STK3: variants seen among roughly 807,000 people sequenced by gnomAD.
STK3 encodes serine/threonine-protein kinase 3.
In STK3, 41 loss-of-function variants were observed where a neutral mutation model predicts 58.0. That is an observed-to-expected ratio of 0.71 (90% CI 0.55 to 0.92). STK3 has a LOEUF of 0.92. Among genes scored for constraint, STK3 ranks in the 40% least tolerant of loss-of-function variants. The pLI, the probability that STK3 is intolerant of heterozygous loss-of-function variation, is 0.00. For missense variants in STK3, 479 were observed against 602.7 expected, an observed-to-expected ratio of 0.79 and a Z score of 2.15; for synonymous variants, 170 against 191.0, an observed-to-expected ratio of 0.89 and a Z score of 0.91.
chr8:98,447,061 C>T (rs755914925), intron 1 of STK3, among the ~76,000 whole-genome samples: 1 of 151,894 alleles, frequency 6.6e-6, no homozygotes, highest in Admixed American at 6.6e-5. Flanking sequence ...CACATAGAGG[C>T]GAACAACACA....
intron 1 of STK3, among the ~76,000 whole-genome samples, chr8:98,926,027 G>A (rs557770501): frequency 6.6e-5 from 10 of 152,278 alleles, no homozygotes; most frequent in African/African-American, 1.9e-4. Context: ...AAGAGGGGCC[G>A]GGGGAGAAGA....
chr8:98,843,698 G>C (rs1836083410), intron 3 of STK3, among the ~76,000 whole-genome samples: 1 of 152,194 alleles, frequency 6.6e-6, no homozygotes, highest in Non-Finnish European at 1.5e-5. Flanking sequence ...ACAACAACTG[G>C]CTTATCTGAA....
chr8:98,671,770 A>G (rs1400186431), intron 6 of STK3, among the ~76,000 whole-genome samples: 17 of 152,102 alleles, frequency 1.1e-4, no homozygotes, highest in Admixed American at 7.9e-4. Context: ...TCTTTTGTAG[A>G]TAACAGTGAT....
chr8:98,847,958 C>T (rs1234228681), intron 3 of STK3, among the ~76,000 whole-genome samples: 1 of 152,116 alleles, frequency 6.6e-6, no homozygotes, highest in Non-Finnish European at 1.5e-5. Flanking sequence ...CAGAAAGGGC[C>T]TCTCCACAGA....
At chr8:98,620,842 T>G (rs1218892509) in intron 6 of STK3, among the ~76,000 whole-genome samples, 1 of 151,986 alleles carries the variant, frequency 6.6e-6, no homozygotes, top group Non-Finnish European at 1.5e-5. Context: ...TATATTTTTG[T>G]TTTTTAAGCA....
intron 6 of STK3, among the ~76,000 whole-genome samples, chr8:98,669,352 A>G (rs955761165): frequency 2.6e-5 from 4 of 152,108 alleles, no homozygotes; most frequent in African/African-American, 9.7e-5. Context: ...TGGATTTTTT[A>G]TTGTTCTAGT....
intron 1 of STK3, among the ~76,000 whole-genome samples, chr8:98,445,512 AT>A (rs756514037): frequency 6.6e-6 from 1 of 151,938 alleles, no homozygotes; most frequent in Non-Finnish European, 1.5e-5. Flanking sequence ...CTTTTTTTGT[AT>A]TTTTTTGTAT....
chr8:98,846,104 C>T (rs190294143), intron 3 of STK3, among the ~76,000 whole-genome samples: 1 of 152,352 alleles, frequency 6.6e-6, no homozygotes, highest in Non-Finnish European at 1.5e-5. Flanking sequence ...CCATAACCCT[C>T]TTCCAAATCT....
At chr8:98,608,275 T>C (rs1816922502) in intron 6 of STK3, among the ~76,000 whole-genome samples, 1 of 152,154 alleles carries the variant, frequency 6.6e-6, no homozygotes. Flanking sequence ...TATTAAGCTA[T>C]CCACTCATTA....
At chr8:98,832,038 G>A (rs1835549005) in intron 3 of STK3, among the ~76,000 whole-genome samples, 1 of 152,034 alleles carries the variant, frequency 6.6e-6, no homozygotes, top group African/African-American at 2.4e-5. Flanking sequence ...TCCATTTCTT[G>A]TTGTTGATTT....
chr8:98,887,896 T>C lies in STK3; in HGVS notation c.-78-4062A>G, dbSNP rs1048409797. 1.8e-4 allele frequency among the ~76,000 whole-genome samples: 28 copies of C among 152,312 alleles called. 1 individual carries two copies. The highest frequency in any genetic ancestry group is 6.7e-4 in the African/African-American group (28 of 41,576). On this transcript the variant is annotated intron_variant, in intron 1 of 1. Coordinates refer to the STK3 transcript ENST00000519420. ...CATGGCTCGAGGCATTCGCTGGCCT[T>C]TCTGTCTCTGAAGCAGTTGCTTAGC...
At chr8:98,898,016 G>C (rs760075273) in intron 1 of STK3, among the ~76,000 whole-genome samples, 15 of 152,146 alleles carry the variant, frequency 9.9e-5, no homozygotes, top group Admixed American at 5.2e-4. Context: ...TCTGGGCCTC[G>C]GTTTTCCTCA....
intron 8 of STK3, among the ~76,000 whole-genome samples, chr8:98,562,211 G>A (rs1358727207): frequency 6.6e-6 from 1 of 152,130 alleles, no homozygotes; most frequent in Non-Finnish European, 1.5e-5. Context: ...GCATATGAAT[G>A]TATACAGCAG....
intron 6 of STK3, among the ~76,000 whole-genome samples, chr8:98,655,431 A>C (rs1821405041): frequency 6.6e-6 from 1 of 152,234 alleles, no homozygotes; most frequent in African/African-American, 2.4e-5. Context: ...ATGGGCAAGG[A>C]CTTCATGTCT....
chr8:98,555,818 G>A lies in STK3; in HGVS notation c.949-7657C>T, dbSNP rs77502250. ...ATAGCTGAGTTTTCAAGATAGTAAG[G>A]GCTCAAAACGGAGCTATGGTAATAA... On this transcript the variant is annotated intron_variant, in intron 8 of 10. Transcript: ENST00000419617. Among the ~76,000 whole-genome samples the A allele has an allele frequency of 9.9e-4, 150 of 152,106 alleles. 7 individuals carry two copies. The East Asian group carries it at 0.021, about 21-fold the overall frequency.
Position 98,659,637 on chromosome 8 carries a change from A to C in STK3, c.684+46830T>G, listed in dbSNP as rs148325108. On this transcript the variant is annotated intron_variant, in intron 6 of 10. Coordinates refer to ENST00000419617, the MANE Select transcript of STK3 (RefSeq NM_006281.4). ...CAGTGTAGAGTTTGCATGCTAGTAG[A>C]AAAGAATTTATTAGCTACATTGTTG... 8.8e-3 allele frequency among the ~76,000 whole-genome samples: 1,331 copies of C among 152,108 alleles called. 8 individuals carry two copies. Among genetic ancestry groups the C allele is most frequent in the Non-Finnish European group, 0.014 (946 of 67,936 alleles).
downstream of STK3, chr8:98,883,631 C>T (rs780927096): frequency 2.8e-6 from 2 of 702,694 alleles, no homozygotes; most frequent in East Asian, 5.4e-5. Context: ...GGGACTGCAA[C>T]CAGGCATTTC....
chr8:98,601,708 T>A (rs1170863605), intron 6 of STK3: 1 of 152,200 alleles, frequency 6.6e-6, no homozygotes, highest in Non-Finnish European at 1.5e-5. Context: ...AGATGAGATT[T>A]CAGCTGAGTC....
chr8:98,893,106 G>A (rs575044305), intron 1 of STK3, among the ~76,000 whole-genome samples: 34 of 151,998 alleles, frequency 2.2e-4, no homozygotes, highest in Non-Finnish European at 3.7e-4. Context: ...AGAAAATAGC[G>A]GCTGGGCACG....
Sources: allele counts gnomAD v4.1 joint callset (sites outside exome capture counted in the v4.1 genomes callset), GRCh38; gene constraint gnomAD v4.1.1; transcripts MANE v1.5; gene names NCBI Gene and HGNC (gene_info 2026-07-23, HGNC 2026-07-21).